The following IL1RAPL1 variants were observed in gnomAD, a reference collection of about 807,000 sequenced individuals.
IL1RAPL1 encodes the protein interleukin 1 receptor accessory protein like 1.
IL1RAPL1 carries 3 observed loss-of-function variants against 48.4 expected under a neutral mutation model. That is an observed-to-expected ratio of 0.06 (90% CI 0.03 to 0.16). The LOEUF (loss-of-function observed/expected upper bound fraction) is 0.16, where lower values mean the gene tolerates loss of function less well. Among genes scored for constraint, IL1RAPL1 ranks in the 10% least tolerant of loss-of-function variants. The pLI is 1.00. For missense variants in IL1RAPL1, 349 were observed against 530.6 expected, an observed-to-expected ratio of 0.66 and a Z score of 3.36; for synonymous variants, 185 against 187.7, an observed-to-expected ratio of 0.99 and a Z score of 0.12.
At position 29,283,001 on chromosome X, in the gene IL1RAPL1, T is replaced by C; in HGVS notation, c.146T>C (p.Val49Ala). 1 of 1,210,671 alleles carries C rather than the reference T, an allele frequency of 8.3e-7. No individual in the cohort carries two copies. Among genetic ancestry groups the C allele is most frequent in the Non-Finnish European group, 1.1e-6 (1 of 894,328 alleles). Residue 49 changes from valine to alanine, a missense_variant, in exon 3 of 11, where the codon GTT becomes GCT. Val to Ala is a moderately conservative substitution (Grantham distance 64). This residue lies in a region of IL1RAPL1 where 238 missense variants were observed against 337.8 expected (regional missense o/e 0.70). Coordinates refer to ENST00000378993, the MANE Select transcript of IL1RAPL1 (RefSeq NM_014271.4). Reference sequence around the variant, plus strand: ...TATCAAGTTTTGGTGGGAGAGCCTGTTCGAATCAAATGTGCACTCTTTTAT... The same window carrying C: ...TATCAAGTTTTGGTGGGAGAGCCTGCTCGAATCAAATGTGCACTCTTTTAT... ...KKYQVLVGEP[V>A]RIKCALFYGY... is the part of the protein sequence containing the mutation.
At chrX:28,668,495 GC>G (rs1934907695) in intron 1 of IL1RAPL1, among the ~76,000 whole-genome samples, 1 of 113,157 alleles carries the variant, frequency 8.8e-6, no homozygotes, top group African/African-American at 3.2e-5. Flanking sequence ...CCTGACCTCT[GC>G]ATCCGCCCAC....
intron 5 of IL1RAPL1, among the ~76,000 whole-genome samples, chrX:29,664,198 A>G (rs776070667): frequency 9.0e-6 from 1 of 111,434 alleles, no homozygotes; most frequent in South Asian, 3.7e-4. Flanking sequence ...AGGTCAGGAG[A>G]TCGAGACCAG....
chrX:29,202,339 T>C lies in IL1RAPL1; in HGVS notation c.83-80599T>C, dbSNP rs1165415329. On this transcript the variant is annotated intron_variant, in intron 2 of 10. Coordinates refer to ENST00000378993, the MANE Select transcript of IL1RAPL1 (RefSeq NM_014271.4). ...CATCTCACATCAGTCAGAATGGCTATTATCAAAAATTTAAAAATAACAGAT... is the reference window on the plus strand; with the variant it reads ...CATCTCACATCAGTCAGAATGGCTACTATCAAAAATTTAAAAATAACAGAT... Among the ~76,000 whole-genome samples, 3 of 111,773 alleles carry C rather than the reference T, an allele frequency of 2.7e-5. No individual in the cohort carries two copies. The East Asian group carries it at 8.4e-4, about 31-fold the overall frequency.
chrX:28,734,897 G>A (rs1386415097), intron 1 of IL1RAPL1, among the ~76,000 whole-genome samples: 2 of 111,734 alleles, frequency 1.8e-5, no homozygotes, highest in African/African-American at 6.5e-5. Flanking sequence ...TTCCTCAAAT[G>A]CAGATCTTAT....
chrX:29,120,252 C>T (rs1316546637), intron 2 of IL1RAPL1, among the ~76,000 whole-genome samples: 1 of 112,279 alleles, frequency 8.9e-6, no homozygotes, highest in Non-Finnish European at 1.9e-5. Flanking sequence ...AGGTTTTCTG[C>T]TAGAATTATT....
At chrX:28,916,477 C>T (rs913993319) in intron 2 of IL1RAPL1, among the ~76,000 whole-genome samples, 4 of 112,370 alleles carry the variant, frequency 3.6e-5, no homozygotes, top group Non-Finnish European at 5.6e-5. Flanking sequence ...CTACCTCCAG[C>T]GCTCTAGCCC....
chrX:29,689,724 TAGCCAACTGAAGAAATTC>T (rs1926725243), intron 6 of IL1RAPL1, among the ~76,000 whole-genome samples: 1 of 112,310 alleles, frequency 8.9e-6, no homozygotes, highest in South Asian at 3.7e-4. Flanking sequence ...GCAACTGTTG[TAGCCAACTGAAGAAATTC>T]AGCCAACTGA....
intron 5 of IL1RAPL1, among the ~76,000 whole-genome samples, chrX:29,422,089 GAA>G (rs1217008428): frequency 1.8e-5 from 2 of 111,578 alleles, no homozygotes; most frequent in Non-Finnish European, 3.8e-5. Context: ...GGAGTGGAGA[GAA>G]GAGGAATTTT....
At chrX:28,966,223 A>T (rs1021030112) in intron 2 of IL1RAPL1, among the ~76,000 whole-genome samples, 16 of 112,273 alleles carry the variant, frequency 1.4e-4, no homozygotes, top group African/African-American at 4.8e-4. Context: ...ATACATGGTT[A>T]TGCTTTGTTT....
intron 2 of IL1RAPL1, among the ~76,000 whole-genome samples, chrX:28,870,855 A>G (rs886748292): frequency 4.5e-5 from 5 of 111,669 alleles, no homozygotes; most frequent in African/African-American, 1.6e-4. Flanking sequence ...TACTGTGTAC[A>G]GTGGAGATAA....
chrX:28,642,998 C>T (rs1303668333), intron 1 of IL1RAPL1, among the ~76,000 whole-genome samples: 1 of 110,550 alleles, frequency 9.0e-6, no homozygotes, highest in Non-Finnish European at 1.9e-5. Flanking sequence ...AAGTGATTCT[C>T]CTCTCTCAGC....
At chrX:29,439,327 G>A (rs1272755701) in intron 5 of IL1RAPL1, among the ~76,000 whole-genome samples, 2 of 111,549 alleles carry the variant, frequency 1.8e-5, no homozygotes. Context: ...CTTTTCATGG[G>A]AAAGGATGTA....
At chrX:28,634,175 A>T (rs1367044620) in intron 1 of IL1RAPL1, among the ~76,000 whole-genome samples, 1 of 109,453 alleles carries the variant, frequency 9.1e-6, no homozygotes, top group African/African-American at 3.3e-5. Context: ...ATGCCTGGCT[A>T]GTTTTTGTAT....
chrX:29,539,961 G>A (rs748265030), intron 5 of IL1RAPL1, among the ~76,000 whole-genome samples: 4 of 111,604 alleles, frequency 3.6e-5, no homozygotes, highest in Non-Finnish European at 7.5e-5. Flanking sequence ...GAAATAAAAG[G>A]CATCCAGATT....
intron 2 of IL1RAPL1, among the ~76,000 whole-genome samples, chrX:29,168,096 A>G (rs898634946): frequency 5.4e-5 from 6 of 110,527 alleles, no homozygotes; most frequent in African/African-American, 9.8e-5. Context: ...TTGGGGTACA[A>G]TATGATGTTT....
chrX:28,832,839 TTA>T (rs149577395), intron 2 of IL1RAPL1, among the ~76,000 whole-genome samples: 68 of 101,836 alleles, frequency 6.7e-4, no homozygotes, highest in African/African-American at 2.1e-3. Context: ...TTTTTTTTTT[TTA>T]GATTCAGGGG....
chrX:29,101,511 T>C (rs1056776528), intron 2 of IL1RAPL1, among the ~76,000 whole-genome samples: 3 of 111,484 alleles, frequency 2.7e-5, no homozygotes, highest in African/African-American at 6.5e-5. Context: ...ACGAGGCCAG[T>C]ATTACCCTGA....
At chrX:29,429,894 G>GTGT (rs34694649) in intron 5 of IL1RAPL1, among the ~76,000 whole-genome samples, 4,068 of 85,043 alleles carry the variant, frequency 0.048, 102 homozygotes, top group East Asian at 0.061. Flanking sequence ...GTGTGTGTGT[G>GTGT]GTGTGTGTGT....
chrX:29,320,497 G>A (rs1016822883), intron 3 of IL1RAPL1, among the ~76,000 whole-genome samples: 4 of 111,946 alleles, frequency 3.6e-5, no homozygotes, highest in African/African-American at 6.5e-5. Context: ...ATATTATGCC[G>A]GGCACGGTGG....
Sources: gnomAD v4.1 joint callset for allele counts (sites outside exome capture counted in the v4.1 genomes callset) on GRCh38, gnomAD v4.1.1 for gene constraint, gnomAD v4.1.1 regional missense constraint, MANE v1.5 for transcripts, NCBI Gene and HGNC (gene_info 2026-07-23, HGNC 2026-07-21) for gene names.